SLC41A2: variants seen among roughly 807,000 people sequenced by gnomAD.
The protein encoded by SLC41A2 is solute carrier family 41 member 2.
In SLC41A2, 32 loss-of-function variants were observed where a neutral mutation model predicts 58.3. That is an observed-to-expected ratio of 0.55 (90% CI 0.41 to 0.74). The LOEUF (loss-of-function observed/expected upper bound fraction) is 0.74. Ranked by LOEUF, SLC41A2 falls within the 30% of genes least tolerant of loss-of-function variation. The probability of loss-of-function intolerance (pLI) is 0.00; values close to 1 mark genes in which losing one functional copy is unlikely to be tolerated. For missense variants in SLC41A2, 514 were observed against 680.6 expected (o/e 0.76, Z 2.72); for synonymous variants, 190 against 235.0 (o/e 0.81, Z 1.75).
rs1411872325 is a variant in SLC41A2 at position 104,861,329 on chromosome 12, T to C, written c.1217A>G (p.Asn406Ser). Residue 406 changes from asparagine to serine, a missense_variant, in exon 8 of 11, where the codon AAC becomes AGC. By Grantham distance (46) the Asn-to-Ser change is conservative (BLOSUM62 1). Coordinates refer to ENST00000258538, the MANE Select transcript of SLC41A2 (RefSeq NM_001352171.3). ...CGTGTAAACAACAATCCCAACCAAG[T>C]TTGGGTCTGATACAGTTGTGTCCAG... ...LILDTTVSDP[N>S]LVGIVVYTPV... 2 of 1,613,500 alleles carry C rather than the reference T, an allele frequency of 1.2e-6. No individual in the cohort carries two copies. Among genetic ancestry groups the C allele is most frequent in the South Asian group, 1.1e-5 (1 of 91,046 alleles).
chr12:104,899,617 C>A (rs1003848211), intron 3 of SLC41A2, among the ~76,000 whole-genome samples: 1 of 152,116 alleles, frequency 6.6e-6, no homozygotes, highest in Non-Finnish European at 1.5e-5. Flanking sequence ...ACTACACAAC[C>A]AAAGATTTGA....
intron 8 of SLC41A2, among the ~76,000 whole-genome samples, chr12:104,848,102 A>T (rs1340376452): frequency 2.6e-5 from 4 of 152,244 alleles, no homozygotes; most frequent in African/African-American, 9.6e-5. Flanking sequence ...CCATAAGACA[A>T]GTCTCAATAA....
At chr12:104,828,015 GC>G (rs1565820399) in intron 10 of SLC41A2, among the ~76,000 whole-genome samples, 1 of 152,072 alleles carries the variant, frequency 6.6e-6, no homozygotes, top group African/African-American at 2.4e-5. Context: ...TTGCTTTCCT[GC>G]CCAAATGTTG....
intron 1 of SLC41A2, among the ~76,000 whole-genome samples, chr12:104,943,808 G>T (rs1320859243): frequency 6.6e-6 from 1 of 152,148 alleles, no homozygotes; most frequent in Non-Finnish European, 1.5e-5. Flanking sequence ...TAAACACGGG[G>T]CTTGCAACTT....
At chr12:104,879,694 T>C (rs1352507361) in intron 6 of SLC41A2, among the ~76,000 whole-genome samples, 2 of 152,240 alleles carry the variant, frequency 1.3e-5, no homozygotes, top group Non-Finnish European at 2.9e-5. Flanking sequence ...TTTTGGTTAC[T>C]TTAGCCTTGT....
At chr12:104,875,232 G>C (rs1565862666) in intron 6 of SLC41A2, among the ~76,000 whole-genome samples, 3 of 152,138 alleles carry the variant, frequency 2.0e-5, no homozygotes, top group African/African-American at 2.4e-5. Context: ...GATTTTTGCA[G>C]CTGTGTTCAT....
intron 8 of SLC41A2, among the ~76,000 whole-genome samples, chr12:104,854,152 G>A (rs2042930755): frequency 6.6e-6 from 1 of 151,690 alleles, no homozygotes; most frequent in South Asian, 2.1e-4. Flanking sequence ...TACACATACA[G>A]CACATAAATG....
intron 4 of SLC41A2, among the ~76,000 whole-genome samples, chr12:104,891,714 G>C (rs2044982222): frequency 1.3e-5 from 2 of 151,670 alleles, no homozygotes; most frequent in Non-Finnish European, 1.5e-5. Context: ...ATAAGAGAAA[G>C]AAATGAAGGG....
chr12:104,866,556 AT>A lies in SLC41A2; in HGVS notation c.1050del (p.Leu351Ter). 1 of 1,605,812 alleles carries A rather than the reference AT, an allele frequency of 6.2e-7. No homozygotes were observed. The highest frequency in any genetic ancestry group is 8.5e-7 in the Non-Finnish European group (1 of 1,175,484). Reference protein sequence around the residue: ...SCLETYYYISPLVGVFFLALT... With the variant: ...SCLETYYYISXLVGVFFLALT... ...AGAGCCAAGAAAAATACACCAACTA[AT>A]GGAGAAATGTAGTAATAGGTCTCTA... On this transcript the variant is annotated frameshift_variant, in exon 7 of 11. Coordinates refer to ENST00000258538, the MANE Select transcript of SLC41A2 (RefSeq NM_001352171.3). LOFTEE classifies it high-confidence loss of function.
chr12:104,889,202 C>A, intron 4 of SLC41A2, 25 bp from the exon 5 acceptor site: 1 of 1,590,398 alleles, frequency 6.3e-7, no homozygotes, highest in Non-Finnish European at 8.5e-7. Flanking sequence ...ATAAATCCAA[C>A]TGAATTATTC....
At chr12:104,815,544 G>T (rs2041359782) in intron 10 of SLC41A2, among the ~76,000 whole-genome samples, 1 of 152,076 alleles carries the variant, frequency 6.6e-6, no homozygotes, top group South Asian at 2.1e-4. Context: ...CCTTGTGTTA[G>T]CATCCCCTTA....
chr12:104,925,565 GA>G (rs11455348), intron 2 of SLC41A2, among the ~76,000 whole-genome samples: 5 of 149,846 alleles, frequency 3.3e-5, no homozygotes, highest in South Asian at 2.1e-4. Flanking sequence ...CTCAAAAAAA[GA>G]AAAAAAAAAA....
chr12:104,908,062 C>T (rs1189802161), intron 3 of SLC41A2, among the ~76,000 whole-genome samples: 4 of 151,992 alleles, frequency 2.6e-5, no homozygotes, highest in African/African-American at 7.3e-5. Flanking sequence ...GTCAGGAGTT[C>T]GAGACCAGCC....
intron 1 of SLC41A2, among the ~76,000 whole-genome samples, chr12:104,946,580 C>T (rs1593190839): frequency 6.6e-6 from 1 of 152,228 alleles, no homozygotes; most frequent in South Asian, 2.1e-4. Context: ...GGCCCAGGCA[C>T]ATTTTAAAAG....
chr12:104,845,644 T>C (rs1228613474), intron 9 of SLC41A2, among the ~76,000 whole-genome samples, 199 bp downstream of exon 9: 4 of 152,162 alleles, frequency 2.6e-5, no homozygotes, highest in African/African-American at 9.7e-5. Context: ...GAAAGAGGCA[T>C]CAAAGAGAAA....
chr12:104,821,875 T>C (rs1294423362), intron 10 of SLC41A2, among the ~76,000 whole-genome samples: 4 of 152,246 alleles, frequency 2.6e-5, no homozygotes, highest in Admixed American at 2.6e-4. Flanking sequence ...TTATACCTTA[T>C]ACATATCATT....
intron 10 of SLC41A2, among the ~76,000 whole-genome samples, chr12:104,817,668 AGTT>A: frequency 6.6e-6 from 1 of 151,364 alleles, no homozygotes; most frequent in East Asian, 1.9e-4. Context: ...AACCAGTAAC[AGTT>A]GTTTACTATC....
In SLC41A2 at chr12:104,943,364, A is replaced by G. The variant is rs191706682; in HGVS notation, c.-167-14670T>C. 4.5e-3 allele frequency among the ~76,000 whole-genome samples: 681 copies of G among 152,150 alleles called. 7 individuals are homozygous for G. The highest frequency in any genetic ancestry group is 0.014 in the African/African-American group (601 of 41,512). Reference sequence around the variant, plus strand: ...ACCCTGGGGCCTCCTCAGCCAATGGATGCCCTGGAGTCTCCCCTTCTTAGG... The same window carrying G: ...ACCCTGGGGCCTCCTCAGCCAATGGGTGCCCTGGAGTCTCCCCTTCTTAGG... On this transcript the variant is annotated intron_variant, in intron 1 of 10. Transcript: ENST00000258538.
At chr12:104,836,429 G>A (rs1229598025) in intron 10 of SLC41A2, among the ~76,000 whole-genome samples, 1 of 152,302 alleles carries the variant, frequency 6.6e-6, no homozygotes, top group South Asian at 2.1e-4. Flanking sequence ...CCAGTTCCAA[G>A]AGGGGAACTG....
Sources: allele counts gnomAD v4.1 joint callset (sites outside exome capture counted in the v4.1 genomes callset), GRCh38; gene constraint gnomAD v4.1.1; transcripts MANE v1.5; gene names NCBI Gene and HGNC (gene_info 2026-07-23, HGNC 2026-07-21).